Variants in MCTP2 observed in about 807,000 individuals in gnomAD.
MCTP2 encodes multiple C2 and transmembrane domain containing 2.
A neutral mutation model predicts 111.6 loss-of-function variants in MCTP2; 132 were observed. That is an observed-to-expected ratio of 1.18 (90% CI 1.03 to 1.37). The LOEUF (loss-of-function observed/expected upper bound fraction) is 1.37. MCTP2 is among the 40% of genes most tolerant of loss of function. MCTP2 has a pLI of 0.00. For missense variants in MCTP2, 1,183 were observed against 1,067.9 expected (o/e 1.11, Z -1.50); for synonymous variants, 395 against 387.7 (o/e 1.02, Z -0.22).
At chr15:94,419,077 T>C (rs1055112718) in intron 17 of MCTP2, among the ~76,000 whole-genome samples, 2 of 152,162 alleles carry the variant, frequency 1.3e-5, no homozygotes, top group African/African-American at 4.8e-5. Context: ...ATGCATTGTT[T>C]ATTTAAATAG....
At chr15:94,387,860 G>C (rs1014540065) in intron 14 of MCTP2, among the ~76,000 whole-genome samples, 1 of 152,202 alleles carries the variant, frequency 6.6e-6, no homozygotes, top group Non-Finnish European at 1.5e-5. Flanking sequence ...GAGTGGGAAC[G>C]TAAGGAGGTG....
intron 19 of MCTP2, among the ~76,000 whole-genome samples, chr15:94,449,816 A>T (rs2084331015): frequency 1.3e-5 from 2 of 152,188 alleles, no homozygotes; most frequent in African/African-American, 4.8e-5. Flanking sequence ...AAACTAAAGG[A>T]TTCACACAGC....
chr15:94,306,982 T>G (rs1157345010), intron 2 of MCTP2, among the ~76,000 whole-genome samples: 1 of 152,126 alleles, frequency 6.6e-6, no homozygotes, highest in Non-Finnish European at 1.5e-5. Flanking sequence ...ACTATTTTTG[T>G]GTGATCTCGA....
At chr15:94,328,361 C>T (rs1325867279) in intron 4 of MCTP2, among the ~76,000 whole-genome samples, 1 of 152,078 alleles carries the variant, frequency 6.6e-6, no homozygotes, top group East Asian at 1.9e-4. Flanking sequence ...ATCTCCTGAC[C>T]TCGTGATCCA....
chr15:94,252,525 C>T (rs1009930178), intron 1 of MCTP2, among the ~76,000 whole-genome samples: 6 of 152,138 alleles, frequency 3.9e-5, no homozygotes, highest in Non-Finnish European at 5.9e-5. Context: ...TTCTGTTTGA[C>T]AACAGTTAAT....
chr15:94,426,186 G>A (rs2152497730), intron 17 of MCTP2, among the ~76,000 whole-genome samples: 1 of 151,616 alleles, frequency 6.6e-6, no homozygotes, highest in East Asian at 1.9e-4. Context: ...GTGTGTGTAT[G>A]TTTCTCTAGT....
At position 94,276,136 on chromosome 15, in the gene MCTP2, G is replaced by GCA. The variant is rs2074198939; in HGVS notation, c.-65-22064_-65-22063insAC. ...TGGGATTACAGGTGTGAGCCACCGT[G>GCA]CCTGGCCTTTATAAGTGTTTTTAAA... is the stretch of plus-strand genomic sequence containing the variant. On this transcript the variant is annotated intron_variant, in intron 1 of 22. Transcript: ENST00000357742. Among the ~76,000 whole-genome samples the GCA allele has an allele frequency of 2.6e-5, 4 of 152,164 alleles. No individual in the cohort carries two copies. In the East Asian group the frequency reaches 5.8e-4, roughly 22 times the overall value.
At chr15:94,265,257 A>C (rs1396450694) in intron 1 of MCTP2, among the ~76,000 whole-genome samples, 2 of 152,172 alleles carry the variant, frequency 1.3e-5, no homozygotes, top group Non-Finnish European at 2.9e-5. Context: ...TGATTTTATC[A>C]TGAGTCACTT....
chr15:94,339,450 T>C lies in MCTP2; in HGVS notation c.780+18T>C. ...GTGTGAAGGTAATCACAGATAGCTT[T>C]CAAATCTGCTCCTTTATTAAAAACA... is the stretch of plus-strand genomic sequence containing the variant. On this transcript the variant is annotated intron_variant, in intron 5 of 22. Transcript: ENST00000357742. 1 of 1,555,070 alleles carries C rather than the reference T, an allele frequency of 6.4e-7. No homozygotes were observed. Among genetic ancestry groups the C allele is most frequent in the Non-Finnish European group, 8.7e-7 (1 of 1,152,798 alleles).
intron 1 of MCTP2, among the ~76,000 whole-genome samples, chr15:94,267,315 G>A (rs1002553190): frequency 3.3e-5 from 5 of 152,062 alleles, no homozygotes; most frequent in African/African-American, 9.7e-5. Flanking sequence ...CATACAGTAC[G>A]TTTGCTTTTT....
rs149716518 is a variant in MCTP2 at position 94,456,592 on chromosome 15, A to G, written c.2251-1545A>G. Among the ~76,000 whole-genome samples the G allele has an allele frequency of 2.0e-3, 301 of 152,348 alleles. 1 individual carries two copies. Among genetic ancestry groups the G allele is most frequent in the African/African-American group, 6.8e-3 (282 of 41,572 alleles). On this transcript the variant is annotated intron_variant, in intron 19 of 22. Transcript: ENST00000357742. ...ATGAATTAGTACGCTCTGGCAGCAT[A>G]TCTAATTTGTAGCACAAACTGAGGA...
intron 21 of MCTP2, 176 bp from the exon 22 acceptor site, chr15:94,476,520 C>T (rs946978733): frequency 2.9e-5 from 14 of 475,808 alleles, no homozygotes; most frequent in Non-Finnish European, 4.9e-5. Context: ...TGTTTTCACA[C>T]TAATTTTTAC....
intron 1 of MCTP2, among the ~76,000 whole-genome samples, chr15:94,247,483 G>A (rs186829736): frequency 1.3e-5 from 2 of 152,194 alleles, no homozygotes; most frequent in East Asian, 3.9e-4. Context: ...ACTTATGTGG[G>A]CCTTACTCTG....
chr15:94,330,656 C>T (rs889817560), intron 4 of MCTP2, among the ~76,000 whole-genome samples: 5 of 152,060 alleles, frequency 3.3e-5, no homozygotes, highest in African/African-American at 1.2e-4. Context: ...CAGGGACAAC[C>T]ATGTATGAGG....
chr15:94,360,001 T>G (rs1212659954), intron 10 of MCTP2, among the ~76,000 whole-genome samples: 2 of 152,188 alleles, frequency 1.3e-5, no homozygotes, highest in African/African-American at 4.8e-5. Flanking sequence ...CTCACCTGCC[T>G]GATACCAGTA....
At chr15:94,435,394 A>G (rs982676173) in intron 17 of MCTP2, among the ~76,000 whole-genome samples, 5 of 152,134 alleles carry the variant, frequency 3.3e-5, no homozygotes, top group African/African-American at 1.2e-4. Context: ...TTTATTCTAA[A>G]ATACTGTGTT....
chr15:94,460,869 G>T (rs185559447), intron 20 of MCTP2, among the ~76,000 whole-genome samples: 1 of 152,200 alleles, frequency 6.6e-6, no homozygotes, highest in African/African-American at 2.4e-5. Context: ...AGTCCCTGCT[G>T]GGCATTCAAG....
chr15:94,394,639 C>T (rs148953099), intron 14 of MCTP2, among the ~76,000 whole-genome samples: 1 of 151,986 alleles, frequency 6.6e-6, no homozygotes, highest in Non-Finnish European at 1.5e-5. Context: ...GTGGCATGTG[C>T]CTGTAGTCCT....
chr15:94,340,281 G>T lies in MCTP2; in HGVS notation c.857+6G>T, dbSNP rs766941919. ...AGTGATCTTGAGCTTAACAGGTACC[G>T]TATTTTTACATTTTAATTGTTATTG... On this transcript the variant is annotated splice_donor_region_variant and intron_variant, in intron 6 of 22. Transcript: ENST00000357742. The T allele has an allele frequency of 8.8e-6, 14 of 1,599,352 alleles. No individual in the cohort carries two copies. The highest frequency in any genetic ancestry group is 1.1e-5 in the Non-Finnish European group (13 of 1,167,096).
Sources: allele counts gnomAD v4.1 joint callset (sites outside exome capture counted in the v4.1 genomes callset), GRCh38; gene constraint gnomAD v4.1.1; transcripts MANE v1.5; gene names NCBI Gene and HGNC (gene_info 2026-07-23, HGNC 2026-07-21).